FILIP1: variants seen among roughly 807,000 people sequenced by gnomAD.
The protein encoded by FILIP1 is filamin-A-interacting protein 1.
A neutral mutation model predicts 102.1 loss-of-function variants in FILIP1; 61 were observed. That is an observed-to-expected ratio of 0.60 (90% confidence interval 0.49 to 0.74). The LOEUF (loss-of-function observed/expected upper bound fraction) is 0.74. Among genes scored for constraint, FILIP1 ranks in the 30% least tolerant of loss-of-function variants. The pLI is 0.00. For missense variants in FILIP1, 1,314 were observed against 1,441.2 expected (o/e 0.91, Z 1.43); for synonymous variants, 491 against 526.9 (o/e 0.93, Z 0.93).
chr6:75,435,293 T>G (rs191830758), intron 1 of FILIP1, among the ~76,000 whole-genome samples: 115 of 152,342 alleles, frequency 7.5e-4, no homozygotes, highest in African/African-American at 2.8e-3. Context: ...AACAAAATTA[T>G]ATCATAGGTA....
intron 1 of FILIP1, among the ~76,000 whole-genome samples, chr6:75,423,309 A>G (rs1365768973): frequency 6.6e-6 from 1 of 152,126 alleles, no homozygotes; most frequent in Non-Finnish European, 1.5e-5. Context: ...TACTCTACAC[A>G]ATAGCATTGA....
chr6:75,340,007 A>AT (rs1050401583), intron 4 of FILIP1, among the ~76,000 whole-genome samples: 2 of 151,904 alleles, frequency 1.3e-5, no homozygotes, highest in African/African-American at 4.8e-5. Flanking sequence ...TTTTTAATGT[A>AT]TTTTTTAAAT....
At chr6:75,341,193 C>T (rs1180077003) in intron 4 of FILIP1, among the ~76,000 whole-genome samples, 1 of 150,192 alleles carries the variant, frequency 6.7e-6, no homozygotes, top group Admixed American at 6.6e-5. Flanking sequence ...CAGGGTCTCA[C>T]TCTGTTACCC....
intron 2 of FILIP1, among the ~76,000 whole-genome samples, chr6:75,370,983 A>G (rs1201541074): frequency 6.6e-6 from 1 of 152,230 alleles, no homozygotes; most frequent in Non-Finnish European, 1.5e-5. Flanking sequence ...CTATCTTTAA[A>G]TCTCATACAA....
At chr6:75,363,008 C>T in intron 2 of FILIP1, 91 bp from the exon 3 acceptor site, 4 of 1,301,012 alleles carry the variant, frequency 3.1e-6, no homozygotes, top group Middle Eastern at 1.9e-4. Context: ...TTGAATACAT[C>T]CCCATCTTGT....
intron 1 of FILIP1, among the ~76,000 whole-genome samples, chr6:75,451,714 G>A (rs953690926): frequency 1.3e-5 from 2 of 151,974 alleles, no homozygotes; most frequent in Non-Finnish European, 2.9e-5. Flanking sequence ...AGCACCTGCA[G>A]TCCCAGCTAC....
chr6:75,332,450 T>C (rs988680490), intron 4 of FILIP1, among the ~76,000 whole-genome samples: 4 of 152,200 alleles, frequency 2.6e-5, no homozygotes, highest in African/African-American at 9.6e-5. Context: ...GTTTGTCACT[T>C]AAATGTGTGA....
chr6:75,440,102 T>C (rs901246952), intron 1 of FILIP1, among the ~76,000 whole-genome samples: 1 of 152,176 alleles, frequency 6.6e-6, no homozygotes, highest in African/African-American at 2.4e-5. Context: ...GCAGATGACA[T>C]AAATAAGATA....
intron 1 of FILIP1, among the ~76,000 whole-genome samples, chr6:75,433,667 T>C (rs113049182): frequency 1.3e-5 from 2 of 151,708 alleles, no homozygotes; most frequent in African/African-American, 4.8e-5. Flanking sequence ...GAAGCTCTTT[T>C]GCTGTGCAGA....
intron 5 of FILIP1, among the ~76,000 whole-genome samples, chr6:75,310,326 A>T (rs531592151): frequency 6.6e-6 from 1 of 152,306 alleles, no homozygotes; most frequent in South Asian, 2.1e-4. Flanking sequence ...TAGATTCCAA[A>T]CCTGTCTATT....
intron 2 of FILIP1, among the ~76,000 whole-genome samples, chr6:75,372,679 AAGAAAG>A (rs759778385): frequency 0.06 from 3,482 of 58,014 alleles, 98 homozygotes; most frequent in African/African-American, 0.095. Context: ...GAAAGAAAGA[AAGAAAG>A]AGAAAGAAAG....
chr6:75,297,140 G>A (rs1177987578), intron 6 of FILIP1: 5 of 152,122 alleles, frequency 3.3e-5, no homozygotes, highest in African/African-American at 1.2e-4. Flanking sequence ...TGTTGTGAGT[G>A]CAGAAACTTA....
At chr6:75,439,345 G>A (rs368781347) in intron 1 of FILIP1, among the ~76,000 whole-genome samples, 5 of 148,810 alleles carry the variant, frequency 3.4e-5, no homozygotes, top group South Asian at 2.2e-4. Flanking sequence ...CAGCCTGGGC[G>A]ACAAGAGCGA....
At chr6:75,345,562 G>A (rs4529264) in intron 4 of FILIP1, among the ~76,000 whole-genome samples, 2,761 of 152,114 alleles carry the variant, frequency 0.018, 71 homozygotes, top group East Asian at 0.1. Context: ...CCGGCCAAGT[G>A]GAAAACCATT....
In FILIP1 at chr6:75,432,304, T is replaced by C. The variant is rs537481924; in HGVS notation, c.-6-17326A>G. ...ATTATTTTCAGGATCTACTTTATTG[T>C]TTTCGAATTATTTTCAGGACCTACT... On this transcript the variant is annotated intron_variant, in intron 1 of 5. Transcript: ENST00000237172. Among the ~76,000 whole-genome samples the C allele has an allele frequency of 1.7e-4, 26 of 152,342 alleles. No homozygotes were observed. In the South Asian group the frequency reaches 2.1e-3, roughly 12 times the overall value.
intron 1 of FILIP1, among the ~76,000 whole-genome samples, chr6:75,421,874 G>C (rs958060140): frequency 2.0e-5 from 3 of 152,054 alleles, no homozygotes; most frequent in Non-Finnish European, 4.4e-5. Context: ...CTGATCAATG[G>C]AATAGTTGGA....
At chr6:75,384,967 T>TC (rs1776037566) in intron 2 of FILIP1, 1 of 149,882 alleles carries the variant, frequency 6.7e-6, no homozygotes, top group African/African-American at 2.4e-5. Context: ...GCTATTTTTT[T>TC]TTTTTTTTTT....
intron 1 of FILIP1, among the ~76,000 whole-genome samples, chr6:75,454,434 C>T (rs2703705): frequency 0.024 from 3,598 of 152,230 alleles, 166 homozygotes; most frequent in African/African-American, 0.08. Context: ...CCCACTTGGA[C>T]GATTCAAAAT....
At chr6:75,364,929 G>C (rs1012331380) in intron 2 of FILIP1, among the ~76,000 whole-genome samples, 2 of 152,124 alleles carry the variant, frequency 1.3e-5, no homozygotes, top group Non-Finnish European at 2.9e-5. Flanking sequence ...AAATCTGAAA[G>C]AGACAAACTC....
Sources: gnomAD v4.1 joint callset for allele counts (sites outside exome capture counted in the v4.1 genomes callset) on GRCh38, gnomAD v4.1.1 for gene constraint, MANE v1.5 for transcripts, NCBI Gene and HGNC (gene_info 2026-07-23, HGNC 2026-07-21) for gene names.